Variants in FGD4 observed in about 807,000 individuals in gnomAD.
FGD4 encodes the protein FYVE, RhoGEF and PH domain-containing protein 4.
Under a neutral mutation model 102.0 loss-of-function variants are expected in FGD4, and 42 were observed. The observed-to-expected ratio is 0.41, with a 90% CI of 0.32 to 0.53. The LOEUF (loss-of-function observed/expected upper bound fraction) is 0.53. Ranked by LOEUF, FGD4 falls within the 20% of genes least tolerant of loss-of-function variation. The pLI, the probability that FGD4 is intolerant of heterozygous loss-of-function variation, is 0.21. For missense variants in FGD4, 902 were observed against 1,078.2 expected, an observed-to-expected ratio of 0.84 and a Z score of 2.29; for synonymous variants, 380 against 375.7, an observed-to-expected ratio of 1.01 and a Z score of -0.13.
At chr12:32,440,194 C>T (rs144502725) in intron 1 of FGD4, among the ~76,000 whole-genome samples, 3 of 152,134 alleles carry the variant, frequency 2.0e-5, no homozygotes, top group Non-Finnish European at 4.4e-5. Flanking sequence ...CCCTGGATGC[C>T]GCTGATGCTC....
intron 1 of FGD4, among the ~76,000 whole-genome samples, chr12:32,410,064 C>G (rs1011978002): frequency 6.6e-5 from 10 of 150,934 alleles, no homozygotes; most frequent in Admixed American, 4.0e-4. Flanking sequence ...TGCGGTGGCT[C>G]ACGCCTATAA....
chr12:32,563,999 G>A (rs1944954359), intron 1 of FGD4, 138 bp from the exon 2 acceptor site: 5 of 854,846 alleles, frequency 5.8e-6, no homozygotes, highest in African/African-American at 3.7e-5. Context: ...TGGAAAGAGA[G>A]GGAGACCGTG....
intron 7 of FGD4, among the ~76,000 whole-genome samples, chr12:32,605,555 C>T (rs1001832487): frequency 1.3e-5 from 2 of 152,176 alleles, no homozygotes. Context: ...TAGTCTAGTT[C>T]TCTACTCCCA....
At chr12:32,467,150 G>A (rs1943277902) in intron 1 of FGD4, among the ~76,000 whole-genome samples, 1 of 152,202 alleles carries the variant, frequency 6.6e-6, no homozygotes, top group Non-Finnish European at 1.5e-5. Flanking sequence ...AGAGTGGTGA[G>A]TTAAGAGGAT....
chr12:32,554,279 G>A (rs1212632346), intron 1 of FGD4, among the ~76,000 whole-genome samples: 3 of 152,058 alleles, frequency 2.0e-5, no homozygotes, highest in Non-Finnish European at 4.4e-5. Context: ...TGTTTTAACT[G>A]AATATTGAGG....
At chr12:32,488,570 A>G (rs1031956674) in intron 1 of FGD4, among the ~76,000 whole-genome samples, 3 of 151,958 alleles carry the variant, frequency 2.0e-5, no homozygotes, top group Non-Finnish European at 2.9e-5. Flanking sequence ...ATGGTGTGAT[A>G]TAGGCAACAA....
chr12:32,573,490 T>G (rs1945863477), intron 2 of FGD4, among the ~76,000 whole-genome samples: 1 of 152,222 alleles, frequency 6.6e-6, no homozygotes, highest in African/African-American at 2.4e-5. Flanking sequence ...ACTCCATAAC[T>G]TTGGGAGTTG....
chr12:32,481,209 C>T (rs889288810), intron 1 of FGD4, among the ~76,000 whole-genome samples: 2 of 139,644 alleles, frequency 1.4e-5, no homozygotes, highest in African/African-American at 2.6e-5. Flanking sequence ...GAGGCCGATG[C>T]GGTTGGATCA....
At chr12:32,435,889 A>T (rs903692850) in intron 1 of FGD4, among the ~76,000 whole-genome samples, 8 of 152,204 alleles carry the variant, frequency 5.3e-5, no homozygotes, top group African/African-American at 1.9e-4. Flanking sequence ...CAGCAAGGAG[A>T]GCTGAGAACA....
intron 1 of FGD4, among the ~76,000 whole-genome samples, chr12:32,497,676 A>C (rs926628055): frequency 6.6e-6 from 1 of 152,212 alleles, no homozygotes; most frequent in Non-Finnish European, 1.5e-5. Flanking sequence ...ACATGGAAAT[A>C]CAAGTAAAAC....
intron 1 of FGD4, among the ~76,000 whole-genome samples, chr12:32,557,506 G>T (rs1051217640): frequency 1.3e-5 from 2 of 152,168 alleles, no homozygotes; most frequent in African/African-American, 4.8e-5. Flanking sequence ...TGCTGCATAT[G>T]TTCTATAGTG....
chr12:32,533,796 G>A (rs996651678), intron 1 of FGD4, among the ~76,000 whole-genome samples: 6 of 152,206 alleles, frequency 3.9e-5, no homozygotes, highest in African/African-American at 1.4e-4. Flanking sequence ...AGATAAAAAT[G>A]AGTAATAAAT....
At chr12:32,459,382 T>A (rs1943037365) in intron 1 of FGD4, among the ~76,000 whole-genome samples, 1 of 151,878 alleles carries the variant, frequency 6.6e-6, no homozygotes, top group African/African-American at 2.4e-5. Flanking sequence ...TTAGTAGAGA[T>A]GGGGTCTTGC....
rs535524573 is a variant in FGD4, at chr12:32,422,383, C to T, written c.166+22424C>T. Reference sequence around the variant, plus strand: ...GTGGGATCTCGGTTCACTACAAGCTCCGCTTCCCGAGTTCACGCCATTCTC... The same window carrying T: ...GTGGGATCTCGGTTCACTACAAGCTTCGCTTCCCGAGTTCACGCCATTCTC... On this transcript the variant is annotated intron_variant, in intron 1 of 16. Coordinates refer to ENST00000534526, the MANE Select transcript of FGD4 (RefSeq NM_001370298.3). Among the ~76,000 whole-genome samples the T allele has an allele frequency of 3.6e-5, 5 of 138,976 alleles. No homozygotes were observed. The South Asian group carries it at 9.8e-4, about 27-fold the overall frequency. 91.2% of individuals were successfully genotyped at this position (138,976 alleles called of 152,430 possible).
chr12:32,529,917 T>TTA (rs1279636878), intron 1 of FGD4, among the ~76,000 whole-genome samples: 1 of 151,854 alleles, frequency 6.6e-6, no homozygotes, highest in Non-Finnish European at 1.5e-5. Context: ...AAGTCTTCAA[T>TTA]TATATGACAG....
chr12:32,608,609 G>A (rs920796668), intron 8 of FGD4, among the ~76,000 whole-genome samples: 1 of 152,084 alleles, frequency 6.6e-6, no homozygotes, highest in African/African-American at 2.4e-5. Flanking sequence ...TATGTTAGAT[G>A]TCTTATTTTT....
In FGD4 at chr12:32,644,558, C is replaced by A. The variant is rs1180948713; in HGVS notation, c.*4025C>A. On this transcript the variant is annotated 3_prime_UTR_variant, in exon 17 of 17. Transcript: ENST00000534526. ...CATCCTTATATATACCCCTTAATCA[C>A]GTAGTCATGAGAAGATAACTTTGCT... The A allele has an allele frequency of 1.3e-5, 2 of 152,058 alleles. No homozygotes were observed. The highest frequency in any genetic ancestry group is 3.8e-4 in the East Asian group (2 of 5,200). 9.4% of individuals were successfully genotyped at this position (152,058 alleles called of 1,614,324 possible).
At chr12:32,577,849 G>C (rs915263044) in intron 3 of FGD4, among the ~76,000 whole-genome samples, 2 of 152,116 alleles carry the variant, frequency 1.3e-5, no homozygotes, top group Admixed American at 1.3e-4. Flanking sequence ...TGCATAATAG[G>C]AGGGGCTGGA....
In FGD4 at chr12:32,538,282, A is replaced by G. The variant is rs150205045; in HGVS notation, c.167-25855A>G. Reference sequence around the variant, plus strand: ...ACTGCTATGTTCCTAGGGTCTAGAAAGGTAACTAATAGATACTGGGTGCTT... The same window carrying G: ...ACTGCTATGTTCCTAGGGTCTAGAAGGGTAACTAATAGATACTGGGTGCTT... On this transcript the variant is annotated intron_variant, in intron 1 of 16. Transcript: ENST00000534526. Among the ~76,000 whole-genome samples the G allele has an allele frequency of 6.2e-3, 943 of 152,336 alleles. 12 individuals are homozygous for G. Among genetic ancestry groups the G allele is most frequent in the African/African-American group, 0.022 (900 of 41,584 alleles).
Sources: gnomAD v4.1 joint callset for allele counts (sites outside exome capture counted in the v4.1 genomes callset) on GRCh38, gnomAD v4.1.1 for gene constraint, MANE v1.5 for transcripts, NCBI Gene and HGNC (gene_info 2026-07-23, HGNC 2026-07-21) for gene names.